The following BAZ1B variants were observed in gnomAD, a reference collection of about 807,000 sequenced individuals.
BAZ1B encodes the protein tyrosine-protein kinase BAZ1B.
A neutral mutation model predicts 153.8 loss-of-function variants in BAZ1B; 22 were observed. That is an observed-to-expected ratio of 0.14 (90% confidence interval 0.10 to 0.20). The LOEUF (loss-of-function observed/expected upper bound fraction) is 0.20, where lower values mean the gene tolerates loss of function less well. Ranked by LOEUF, BAZ1B falls within the 10% of genes least tolerant of loss-of-function variation. The pLI is 1.00. For missense variants in BAZ1B, 1,325 were observed against 1,799.3 expected (o/e 0.74, Z 4.77); for synonymous variants, 676 against 633.4 (o/e 1.07, Z -1.01).
At chr7:73,493,020 C>T (rs1432517578) in intron 4 of BAZ1B, 99 bp from the exon 5 acceptor site, 2 of 1,284,530 alleles carry the variant, frequency 1.6e-6, no homozygotes, top group African/African-American at 3.0e-5. Flanking sequence ...CTTCACTAGG[C>T]ACTGGGTGAT....
At chr7:73,445,028 AAC>A (rs10557903) in intron 16 of BAZ1B, among the ~76,000 whole-genome samples, 114,705 of 148,500 alleles carry the variant, frequency 0.77, 43,853 homozygotes, top group East Asian at 0.99. Context: ...AAAGAAAAAA[AAC>A]ACACACACAC....
chr7:73,482,261 A>T (rs2116354541), intron 6 of BAZ1B, among the ~76,000 whole-genome samples: 1 of 152,356 alleles, frequency 6.6e-6, no homozygotes, highest in East Asian at 1.9e-4. Context: ...TAACTTATTT[A>T]AGACTCCAAT....
At chr7:73,462,115 C>T (rs11972595) in intron 12 of BAZ1B, among the ~76,000 whole-genome samples, 9,328 of 152,276 alleles carry the variant, frequency 0.061, 326 homozygotes, top group African/African-American at 0.078. Context: ...CTTGTACCTG[C>T]AGTCCCAGCT....
chr7:73,457,591 A>G (rs1554569721), intron 13 of BAZ1B, among the ~76,000 whole-genome samples: 1 of 152,212 alleles, frequency 6.6e-6, no homozygotes, highest in Admixed American at 6.5e-5. Flanking sequence ...ATGATATAAT[A>G]AATATATTTG....
chr7:73,449,403 T>G, intron 15 of BAZ1B, 139 bp downstream of exon 15: 1 of 1,004,312 alleles, frequency 1.0e-6, no homozygotes, highest in Non-Finnish European at 1.4e-6. Context: ...CCTATTGAAG[T>G]ACTGTAAATG....
rs909763054 is a variant in BAZ1B, at chr7:73,449,609, C to T, written c.3661G>A (p.Val1221Ile). The change falls in exon 15 of 20, where the codon GTA becomes ATA. Residue 1221 changes from valine (V) to isoleucine (I), a missense_variant. Coordinates refer to ENST00000339594, the MANE Select transcript of BAZ1B (RefSeq NM_032408.4). ...GGGCACTGCCACTCACCATCTGGTACTTCATAGAGGGCCGGCCTCAGACAA... is the reference window on the plus strand; with the variant it reads ...GGGCACTGCCACTCACCATCTGGTATTTCATAGAGGGCCGGCCTCAGACAA... ...LFCLRPALYE[V>I]PDGEWQCPAC... 1.2e-6 allele frequency: 2 copies of T among 1,614,052 alleles called. No homozygotes were observed. Among genetic ancestry groups the T allele is most frequent in the Admixed American group, 1.7e-5 (1 of 60,000 alleles).
chr7:73,445,689 G>C (rs1787807541), intron 16 of BAZ1B, among the ~76,000 whole-genome samples: 1 of 151,968 alleles, frequency 6.6e-6, no homozygotes, highest in African/African-American at 2.4e-5. Context: ...TGGGAAACAT[G>C]GCAAGACCCT....
intron 5 of BAZ1B, among the ~76,000 whole-genome samples, chr7:73,490,623 G>A: frequency 8.2e-6 from 1 of 122,540 alleles, no homozygotes; most frequent in East Asian, 2.3e-4. Context: ...TTTTTTTTTT[G>A]AGATGGAGTT....
rs145043036 is a variant in BAZ1B, at chr7:73,469,568, G to A, written c.2815C>T (p.His939Tyr). 1,602 of 1,614,148 alleles carry A rather than the reference G, an allele frequency of 9.9e-4. 1 individual carries two copies. The highest frequency in any genetic ancestry group is 9.9e-4 in the Non-Finnish European group (1,174 of 1,180,008). ...VHDSIDYRFN[H>Y]HCKDHTVSGD... is the part of the protein sequence containing the mutation. ...GAGACTGTGTGGTCTTTGCAGTGAT[G>A]GTTGAATCGGTAGTCAATGCTGTCA... Residue 939 changes from histidine to tyrosine, a missense_variant, in exon 9 of 20, where the codon CAT (histidine) becomes TAT (tyrosine). Physicochemically the swap from His to Tyr is moderately conservative, Grantham distance 83. Around this residue, in one of 9 missense-constraint regions of BAZ1B, gnomAD observed 431 missense variants for 563.5 expected, o/e 0.76. Transcript: ENST00000339594.
chr7:73,503,115 G>C (rs917534183), intron 3 of BAZ1B, among the ~76,000 whole-genome samples: 6 of 152,114 alleles, frequency 3.9e-5, no homozygotes, highest in Admixed American at 3.3e-4. Context: ...AAATACTCAA[G>C]CAAAAATCCT....
In BAZ1B at chr7:73,449,525, A is replaced by G. The variant is rs1257261685; in HGVS notation, c.3728+17T>C. The G allele has an allele frequency of 2.5e-6, 4 of 1,596,860 alleles. No homozygotes were observed. In the East Asian group the frequency reaches 6.7e-5, roughly 27 times the overall value. ...ATATTTATTCATTCAATTATTTTTA[A>G]AAGAAAAGATTCTCACCTGCCACGG... On this transcript the variant is annotated intron_variant, in intron 15 of 19. Coordinates refer to ENST00000339594, the MANE Select transcript of BAZ1B (RefSeq NM_032408.4).
rs868948163 is a variant in BAZ1B, at chr7:73,462,996, G to C, written c.3175C>G (p.Leu1059Val). 1 of 1,613,992 alleles carries C rather than the reference G, an allele frequency of 6.2e-7. No individual in the cohort carries two copies. Among genetic ancestry groups the C allele is most frequent in the Middle Eastern group, 1.6e-4 (1 of 6,062 alleles). The change falls in exon 12 of 20, where the codon CTC (leucine) becomes GTC (valine). Residue 1059 changes from leucine to valine, a missense_variant. By Grantham distance (32) the Leu-to-Val change is conservative (BLOSUM62 1). Around this residue, in one of 9 missense-constraint regions of BAZ1B, gnomAD observed 431 missense variants for 563.5 expected, o/e 0.76. Transcript: ENST00000339594. ...TGTAACCTTGTTGCAACTTCAATGAGATCACTACGAAGGAAGTTTAAAAGC... is the reference window on the plus strand; with the variant it reads ...TGTAACCTTGTTGCAACTTCAATGACATCACTACGAAGGAAGTTTAAAAGC... ...QELLNFLRSD[L>V]IEVATRLQKG... is the part of the protein sequence containing the mutation.
intron 7 of BAZ1B, among the ~76,000 whole-genome samples, chr7:73,475,742 C>T (rs556776012): frequency 1.3e-5 from 2 of 152,018 alleles, no homozygotes; most frequent in East Asian, 1.9e-4. Context: ...CTGGCCAACA[C>T]GGTGAAACCC....
At chr7:73,497,456 G>A (rs1266082603) in intron 4 of BAZ1B, among the ~76,000 whole-genome samples, 5 of 152,146 alleles carry the variant, frequency 3.3e-5, no homozygotes, top group Non-Finnish European at 5.9e-5. Context: ...GGTATGGTCT[G>A]TGTAAGTTTT....
At chr7:73,473,865 C>T (rs1457005174) in intron 7 of BAZ1B, among the ~76,000 whole-genome samples, 9 of 151,900 alleles carry the variant, frequency 5.9e-5, no homozygotes, top group Non-Finnish European at 1.0e-4. Context: ...CTCGGGAGGC[C>T]GAAGTGGGAG....
At chr7:73,454,293 T>C (rs1049159277) in intron 13 of BAZ1B, among the ~76,000 whole-genome samples, 1 of 151,988 alleles carries the variant, frequency 6.6e-6, no homozygotes, top group African/African-American at 2.4e-5. Flanking sequence ...TGAGACCCCA[T>C]CCCAAAAAGT....
chr7:73,469,957 C>G (rs143461799), intron 8 of BAZ1B, among the ~76,000 whole-genome samples: 3 of 152,178 alleles, frequency 2.0e-5, no homozygotes, highest in Non-Finnish European at 2.9e-5. Context: ...ATCCTCTCGA[C>G]TCAGCCTCCC....
intron 13 of BAZ1B, among the ~76,000 whole-genome samples, chr7:73,457,059 C>T (rs1236420978): frequency 6.8e-6 from 1 of 146,932 alleles, no homozygotes; most frequent in Non-Finnish European, 1.5e-5. Flanking sequence ...TATAGGAAAC[C>T]ATAGAGTGGT....
At chr7:73,476,759 A>G in intron 7 of BAZ1B, 109 bp downstream of exon 7, 1 of 1,485,882 alleles carries the variant, frequency 6.7e-7, no homozygotes, top group South Asian at 1.4e-5. Context: ...CTGGGTTATT[A>G]CATACAGAAA....
Sources: allele counts gnomAD v4.1 joint callset (sites outside exome capture counted in the v4.1 genomes callset), GRCh38; gene constraint gnomAD v4.1.1; regional missense constraint gnomAD v4.1.1; transcripts MANE v1.5; gene names NCBI Gene and HGNC (gene_info 2026-07-23, HGNC 2026-07-21).